The following FGF14 variants were observed in gnomAD, a reference collection of about 807,000 sequenced individuals.
FGF14 encodes fibroblast growth factor homologous factor 4.
In FGF14, 5 loss-of-function variants were observed where a neutral mutation model predicts 25.5. The ratio of observed to expected loss-of-function variants is 0.20; its 90% CI spans 0.10 to 0.41. The LOEUF (loss-of-function observed/expected upper bound fraction) is 0.41. Ranked by LOEUF, FGF14 falls within the 10% of genes least tolerant of loss-of-function variation. The pLI, the probability that FGF14 is intolerant of heterozygous loss-of-function variation, is 1.00. For synonymous variants in FGF14, 138 were observed against 118.3 expected, an observed-to-expected ratio of 1.17 and a Z score of -1.08; for missense variants, 222 against 320.1, an observed-to-expected ratio of 0.69 and a Z score of 2.34.
At chr13:102,004,377 G>C (rs1342447150) in intron 1 of FGF14, among the ~76,000 whole-genome samples, 2 of 152,158 alleles carry the variant, frequency 1.3e-5, no homozygotes, top group East Asian at 3.9e-4. Context: ...AATGTACTAG[G>C]TTCACCATAC....
intron 1 of FGF14, among the ~76,000 whole-genome samples, chr13:101,943,813 A>AC (rs200431105): frequency 2.9e-3 from 255 of 86,886 alleles, no homozygotes; most frequent in African/African-American, 0.012. Flanking sequence ...GTCTCTACTT[A>AC]AAAAAAAAAA....
At chr13:101,763,893 C>A (rs940104646) in intron 3 of FGF14, among the ~76,000 whole-genome samples, 2 of 150,752 alleles carry the variant, frequency 1.3e-5, no homozygotes, top group South Asian at 2.1e-4. Context: ...CAAAACTTAA[C>A]CTCCCCAGAG....
intron 1 of FGF14, among the ~76,000 whole-genome samples, chr13:101,972,439 G>A (rs931365256): frequency 2.6e-5 from 4 of 152,166 alleles, no homozygotes; most frequent in Non-Finnish European, 5.9e-5. Flanking sequence ...CCATATTTTG[G>A]AATAAGGAAG....
At chr13:101,894,715 TATA>T (rs1297065811) in intron 1 of FGF14, among the ~76,000 whole-genome samples, 1 of 152,076 alleles carries the variant, frequency 6.6e-6, no homozygotes, top group Non-Finnish European at 1.5e-5. Flanking sequence ...GTTTGGGACA[TATA>T]ATAAGATTTT....
chr13:102,162,228 G>C (rs1262900084), intron 1 of FGF14, among the ~76,000 whole-genome samples: 1 of 152,040 alleles, frequency 6.6e-6, no homozygotes, highest in Non-Finnish European at 1.5e-5. Flanking sequence ...AGAATCTCTC[G>C]GTCAAAGGCT....
intron 1 of FGF14, among the ~76,000 whole-genome samples, chr13:102,401,079 C>T (rs1446344111): frequency 2.0e-5 from 3 of 152,116 alleles, no homozygotes; most frequent in African/African-American, 7.2e-5. Context: ...CTACGTCCCT[C>T]GAACCTGCTG....
intron 1 of FGF14, among the ~76,000 whole-genome samples, chr13:102,047,204 T>C (rs1445928609): frequency 6.6e-6 from 1 of 152,130 alleles, no homozygotes; most frequent in Non-Finnish European, 1.5e-5. Context: ...GCAGGAAATG[T>C]CATCCAAAAA....
At chr13:101,945,938 T>C (rs2035776341) in intron 1 of FGF14, among the ~76,000 whole-genome samples, 1 of 152,172 alleles carries the variant, frequency 6.6e-6, no homozygotes, top group Non-Finnish European at 1.5e-5. Flanking sequence ...CGTGGGTCAC[T>C]AGGGAATTTA....
At chr13:102,311,011 C>T (rs1452942371) in intron 1 of FGF14, among the ~76,000 whole-genome samples, 1 of 151,978 alleles carries the variant, frequency 6.6e-6, no homozygotes, top group African/African-American at 2.4e-5. Context: ...TCCCATATGG[C>T]CCACTTGCAT....
At chr13:101,844,467 T>C (rs1338601830) in intron 3 of FGF14, among the ~76,000 whole-genome samples, 2 of 152,060 alleles carry the variant, frequency 1.3e-5, no homozygotes, top group African/African-American at 2.4e-5. Flanking sequence ...AATAACCATA[T>C]AATTACAGAA....
chr13:101,968,500 C>T (rs892639860), intron 1 of FGF14, among the ~76,000 whole-genome samples: 6 of 151,952 alleles, frequency 3.9e-5, no homozygotes, highest in South Asian at 2.1e-4. Context: ...GGTGAAACCC[C>T]GTCTCCACTA....
At chr13:102,396,088 G>A (rs1284358657) in intron 1 of FGF14, among the ~76,000 whole-genome samples, 1 of 152,094 alleles carries the variant, frequency 6.6e-6, no homozygotes, top group East Asian at 1.9e-4. Context: ...TCAGTACCCG[G>A]GTTCAACACA....
chr13:102,067,095 T>TCA (rs1425701735), intron 1 of FGF14, among the ~76,000 whole-genome samples: 3 of 152,214 alleles, frequency 2.0e-5, no homozygotes, highest in Admixed American at 6.5e-5. Context: ...GCTTATGAAG[T>TCA]CACATTTTCC....
intron 1 of FGF14, among the ~76,000 whole-genome samples, chr13:101,884,062 C>CAAA (rs11315735): frequency 2.5e-3 from 94 of 37,802 alleles, no homozygotes; most frequent in East Asian, 8.3e-3. Context: ...GACTCCATCT[C>CAAA]AAAAAAAAAA....
intron 1 of FGF14, among the ~76,000 whole-genome samples, chr13:102,060,898 C>T (rs1222810386): frequency 1.3e-5 from 2 of 152,152 alleles, no homozygotes; most frequent in Non-Finnish European, 2.9e-5. Flanking sequence ...ATTGGGCACG[C>T]ACACAAGTAG....
At chr13:102,345,008 A>T (rs906689708) in intron 1 of FGF14, among the ~76,000 whole-genome samples, 1 of 152,180 alleles carries the variant, frequency 6.6e-6, no homozygotes, top group Non-Finnish European at 1.5e-5. Flanking sequence ...CTCCTAAGAC[A>T]GGATGAGGAA....
At chr13:101,744,597 T>C (rs2036766084) in intron 3 of FGF14, among the ~76,000 whole-genome samples, 1 of 152,060 alleles carries the variant, frequency 6.6e-6, no homozygotes. Context: ...GTAAGTGGTT[T>C]TAAAAAATGT....
chr13:102,237,567 G>T (rs1412049295), intron 1 of FGF14, among the ~76,000 whole-genome samples: 4 of 140,404 alleles, frequency 2.8e-5, no homozygotes, highest in African/African-American at 1.1e-4. Flanking sequence ...TAAACTGCTT[G>T]GGGTTTTTTA....
chr13:101,805,100 ATAT>A (rs2140153883), intron 3 of FGF14, among the ~76,000 whole-genome samples: 1 of 152,280 alleles, frequency 6.6e-6, no homozygotes, highest in African/African-American at 2.4e-5. Flanking sequence ...TAAGCAGGTG[ATAT>A]TATCTATGAA....
Sources: gnomAD v4.1 joint callset for allele counts (sites outside exome capture counted in the v4.1 genomes callset) on GRCh38, gnomAD v4.1.1 for gene constraint, MANE v1.5 for transcripts, NCBI Gene and HGNC (gene_info 2026-07-23, HGNC 2026-07-21) for gene names.